Variants in INO80D observed in about 807,000 individuals in gnomAD.
INO80D encodes the protein INO80 complex subunit D.
A neutral mutation model predicts 87.6 loss-of-function variants in INO80D; 21 were observed. The observed-to-expected ratio is 0.24, with a 90% CI of 0.17 to 0.35. The LOEUF (loss-of-function observed/expected upper bound fraction) is 0.35. INO80D is among the 10% of genes least tolerant of loss of function. The pLI is 1.00. For missense variants in INO80D, 982 were observed against 1,280.7 expected (o/e 0.77, Z 3.56); for synonymous variants, 440 against 491.0 (o/e 0.90, Z 1.37).
In INO80D at chr2:206,034,861, A is replaced by G. The variant is rs551588626; in HGVS notation, c.1074-6526T>C. 4.6e-5 allele frequency among the ~76,000 whole-genome samples: 7 copies of G among 152,270 alleles called. No individual in the cohort carries two copies. In the South Asian group the frequency reaches 1.2e-3, roughly 27 times the overall value. On this transcript the variant is annotated intron_variant, in intron 5 of 10. Transcript: ENST00000403263. The stretch of plus-strand genomic sequence containing the variant: ...CTTGAAAACCATTAAGACTCCAGAA[A>G]GCTCCTAGAACTGATAAAAGAATTC...
At position 206,000,403 on chromosome 2, in the gene INO80D, A is replaced by G. The variant is rs1477694461; in HGVS notation, c.*3965T>C. ...CATCACCAGCACCCCTAGGATGCCAAGGCACGGCAAAGACGGCGGGCAAGC... is the reference window on the plus strand; with the variant it reads ...CATCACCAGCACCCCTAGGATGCCAGGGCACGGCAAAGACGGCGGGCAAGC... On this transcript the variant is annotated 3_prime_UTR_variant, in exon 11 of 11. Coordinates refer to ENST00000403263, the MANE Select transcript of INO80D (RefSeq NM_017759.5). The G allele has an allele frequency of 6.6e-6, 1 of 151,136 alleles. No homozygotes were observed. The highest frequency in any genetic ancestry group is 6.6e-5 in the Admixed American group (1 of 15,046). The allele number at this position is 151,136 out of a possible 1,614,324, so 9.4% of individuals were successfully genotyped here. A position where few individuals can be genotyped will look rare whatever the true frequency, so the allele number is the denominator to read the frequency against.
At chr2:206,066,957 C>G (rs1374303563) in intron 1 of INO80D, among the ~76,000 whole-genome samples, 1 of 151,614 alleles carries the variant, frequency 6.6e-6, no homozygotes. Context: ...CTCATAGAAG[C>G]TAAAAGTAGG....
intron 5 of INO80D, among the ~76,000 whole-genome samples, chr2:206,033,618 C>T (rs550174742): frequency 6.6e-5 from 10 of 152,146 alleles, no homozygotes; most frequent in East Asian, 3.9e-4. Context: ...TAGCCCTAAA[C>T]GCCTACATCA....
chr2:206,071,513 T>C (rs1424906098), intron 1 of INO80D, among the ~76,000 whole-genome samples: 6 of 137,538 alleles, frequency 4.4e-5, no homozygotes, highest in Non-Finnish European at 7.7e-5. Context: ...GGGTATCAAT[T>C]ATTGGCATAC....
In INO80D at chr2:206,062,809, C is replaced by G. The variant is rs762834625; in HGVS notation, c.208G>C (p.Glu70Gln). ...QRCTNPIPKS[E>Q]DRRYCNSHLQ... ...ATGATTAGCCCTTACCTACGATCCT[C>G]TGATTTGGGGATGGGGTTGGTGCAG... Residue 70 changes from glutamate to glutamine, a missense_variant, in exon 3 of 11, where the codon GAG becomes CAG. Coordinates refer to ENST00000403263, the MANE Select transcript of INO80D (RefSeq NM_017759.5). This position sits in a 1 kb window ranked among gnomAD's most constrained non-coding sequence, Gnocchi z 4.6. The G allele has an allele frequency of 1.2e-6, 2 of 1,604,784 alleles. No individual in the cohort carries two copies. Among genetic ancestry groups the G allele is most frequent in the East Asian group, 2.2e-5 (1 of 44,778 alleles).
At chr2:206,082,239 C>T (rs924561337) in intron 1 of INO80D, among the ~76,000 whole-genome samples, 1 of 152,116 alleles carries the variant, frequency 6.6e-6, no homozygotes, top group Non-Finnish European at 1.5e-5. Context: ...AGGCTGGTCT[C>T]GAACTCCGGA....
At chr2:206,023,061 C>T (rs1559438287) in intron 6 of INO80D, among the ~76,000 whole-genome samples, 1 of 152,102 alleles carries the variant, frequency 6.6e-6, no homozygotes. Context: ...ATTAGCCAGA[C>T]GTGGTAAAGG....
At chr2:206,021,993 T>C (rs935830496) in intron 6 of INO80D, among the ~76,000 whole-genome samples, 1 of 152,152 alleles carries the variant, frequency 6.6e-6, no homozygotes, top group African/African-American at 2.4e-5. Flanking sequence ...ATTCCCTCAT[T>C]TTCTTTATTC....
intron 1 of INO80D, among the ~76,000 whole-genome samples, chr2:206,075,319 T>C (rs1053121651): frequency 6.6e-6 from 1 of 152,220 alleles, no homozygotes; most frequent in Admixed American, 6.5e-5. Flanking sequence ...TGCTGTTCTT[T>C]TGATTCTCCT....
At chr2:206,068,889 C>T (rs749775574) in intron 1 of INO80D, among the ~76,000 whole-genome samples, 1 of 151,870 alleles carries the variant, frequency 6.6e-6, no homozygotes, top group Non-Finnish European at 1.5e-5. Context: ...TTTGTAGAGA[C>T]GAGGTTTCAC....
chr2:206,027,218 T>G (rs1688642229), intron 6 of INO80D, among the ~76,000 whole-genome samples: 1 of 151,588 alleles, frequency 6.6e-6, no homozygotes, highest in Non-Finnish European at 1.5e-5. Context: ...ATGTTAACAG[T>G]GCTCATTCTC....
intron 5 of INO80D, among the ~76,000 whole-genome samples, chr2:206,045,774 T>C (rs1353958550): frequency 2.0e-5 from 3 of 150,998 alleles, no homozygotes; most frequent in Non-Finnish European, 4.4e-5. Flanking sequence ...TTGCAGAAGA[T>C]AGAGGTGAAG....
chr2:206,038,389 A>AT (rs1688946262), intron 5 of INO80D, among the ~76,000 whole-genome samples: 1 of 152,360 alleles, frequency 6.6e-6, no homozygotes, highest in African/African-American at 2.4e-5. Context: ...TTAACAGCAT[A>AT]TGGTAGTTTA....
intron 7 of INO80D, among the ~76,000 whole-genome samples, chr2:206,018,505 C>T (rs1284137168): frequency 6.6e-6 from 1 of 152,028 alleles, no homozygotes; most frequent in African/African-American, 2.4e-5. Context: ...TGATACTTAC[C>T]AAGAATAAAA....
chr2:206,038,999 C>T (rs1688963246), intron 5 of INO80D, among the ~76,000 whole-genome samples: 1 of 152,116 alleles, frequency 6.6e-6, no homozygotes, highest in Admixed American at 6.5e-5. Context: ...GTAGGTAAGC[C>T]ACTTTGTGTG....
chr2:206,025,528 C>CAAAAAAAAAAAAA (rs71410856), intron 6 of INO80D: 10 of 54,530 alleles, frequency 1.8e-4, no homozygotes, highest in Admixed American at 3.2e-4. Context: ...AACTCCATCT[C>CAAAAAAAAAAAAA]AAAAAAAAAA....
At chr2:206,045,256 T>G (rs546546642) in intron 5 of INO80D, among the ~76,000 whole-genome samples, 3 of 152,360 alleles carry the variant, frequency 2.0e-5, no homozygotes, top group South Asian at 2.1e-4. Context: ...TTTCTCATTA[T>G]AAGCTGGCAT....
intron 5 of INO80D, among the ~76,000 whole-genome samples, chr2:206,031,903 C>T (rs895577948): frequency 2.0e-5 from 3 of 152,170 alleles, no homozygotes; most frequent in African/African-American, 7.2e-5. Context: ...TTCTCCGTTT[C>T]GAACACACAC....
chr2:206,034,783 C>T (rs1212809773), intron 5 of INO80D, among the ~76,000 whole-genome samples: 1 of 152,066 alleles, frequency 6.6e-6, no homozygotes, highest in Non-Finnish European at 1.5e-5. Flanking sequence ...GCATCCAAAT[C>T]AGTAAAGAGG....
Sources: allele counts gnomAD v4.1 joint callset (sites outside exome capture counted in the v4.1 genomes callset), GRCh38; gene constraint gnomAD v4.1.1; non-coding constraint Gnocchi (gnomAD v3.1); transcripts MANE v1.5; gene names NCBI Gene and HGNC (gene_info 2026-07-23, HGNC 2026-07-21).